Variants in XIRP2 observed in about 807,000 individuals in gnomAD.
XIRP2 encodes the protein xin actin-binding repeat-containing protein 2.
A neutral mutation model predicts 277.0 loss-of-function variants in XIRP2; 236 were observed. That is an observed-to-expected ratio of 0.85 (90% CI 0.77 to 0.95). The LOEUF is 0.95. XIRP2 is among the 40% of genes least tolerant of loss of function. The probability of loss-of-function intolerance (pLI) is 0.00; values close to 1 mark genes in which losing one functional copy is unlikely to be tolerated. For synonymous variants in XIRP2, 1,490 were observed against 1,416.5 expected (o/e 1.05, Z -1.17); for missense variants, 4,640 against 4,157.5 (o/e 1.12, Z -3.19).
intron 4 of XIRP2, among the ~76,000 whole-genome samples, chr2:167,217,895 A>C (rs1694304095): frequency 6.6e-6 from 1 of 152,190 alleles, no homozygotes; most frequent in African/African-American, 2.4e-5. Context: ...TCTTATCTGC[A>C]GACATCAAAA....
intron 2 of XIRP2, among the ~76,000 whole-genome samples, chr2:167,065,126 A>G (rs1689269978): frequency 6.6e-6 from 1 of 151,964 alleles, no homozygotes; most frequent in African/African-American, 2.4e-5. Context: ...CCAACACTGC[A>G]CAAAAGTTCC....
chr2:166,986,113 G>A (rs547544697), intron 2 of XIRP2, among the ~76,000 whole-genome samples: 2 of 152,302 alleles, frequency 1.3e-5, no homozygotes, highest in South Asian at 4.1e-4. Flanking sequence ...TGACAGAGGA[G>A]GTTTGGAAAT....
chr2:167,024,458 C>A (rs1252749575), intron 2 of XIRP2, among the ~76,000 whole-genome samples: 1 of 152,200 alleles, frequency 6.6e-6, no homozygotes, highest in Non-Finnish European at 1.5e-5. Context: ...CTTCTCCTGC[C>A]TAACTGCCCT....
chr2:167,251,833 C>G lies in XIRP2; in HGVS notation c.10441C>G (p.Gln3481Glu). The change falls in exon 9 of 11, where the codon CAA (glutamine) becomes GAA (glutamate). Residue 3481 changes from glutamine to glutamate, a missense_variant. Transcript: ENST00000409195. ...DSPKEVRKNF[Q>E]KTWQESGRVF... ...ACCTAAAGAAGTAAGAAAAAATTTT[C>G]AAAAGACGTGGCAAGAGAGTGGAAG... 6.2e-7 allele frequency: 1 copy of G among 1,613,268 alleles called. No individual in the cohort carries two copies. Among genetic ancestry groups the G allele is most frequent in the Non-Finnish European group, 8.5e-7 (1 of 1,179,540 alleles).
chr2:167,061,644 A>T (rs1352907556), intron 2 of XIRP2, among the ~76,000 whole-genome samples: 1 of 152,128 alleles, frequency 6.6e-6, no homozygotes, highest in Non-Finnish European at 1.5e-5. Flanking sequence ...GGATTAGAGT[A>T]GACCTTATTA....
intron 2 of XIRP2, among the ~76,000 whole-genome samples, chr2:167,098,140 T>C (rs112529895): frequency 0.031 from 4,754 of 152,334 alleles, 85 homozygotes; most frequent in East Asian, 0.05. Context: ...TCCTGAAGTG[T>C]GTTTTCCAAC....
intron 2 of XIRP2, among the ~76,000 whole-genome samples, chr2:166,924,062 T>C (rs1489816255): frequency 6.6e-6 from 1 of 152,046 alleles, no homozygotes. Flanking sequence ...GGACACTAAT[T>C]AAGGAGTCTG....
At chr2:167,232,208 A>T (rs1441925820) in intron 5 of XIRP2, among the ~76,000 whole-genome samples, 2 of 151,996 alleles carry the variant, frequency 1.3e-5, no homozygotes, top group African/African-American at 4.8e-5. Context: ...TCGTGGAAAG[A>T]ATTGTGTAAT....
At chr2:167,038,631 AAC>A (rs1156884975) in intron 2 of XIRP2, among the ~76,000 whole-genome samples, 5 of 151,820 alleles carry the variant, frequency 3.3e-5, no homozygotes, top group Admixed American at 3.3e-4. Context: ...ACAAATAGTA[AAC>A]CTAAAATAAT....
At chr2:166,907,741 C>T (rs1037580229) in intron 2 of XIRP2, among the ~76,000 whole-genome samples, 3 of 150,868 alleles carry the variant, frequency 2.0e-5, no homozygotes, top group African/African-American at 4.9e-5. Flanking sequence ...TTAGGTATAT[C>T]TCCTAAGGCT....
At chr2:167,160,539 A>G (rs1468117170) in intron 3 of XIRP2, among the ~76,000 whole-genome samples, 20 of 152,198 alleles carry the variant, frequency 1.3e-4, no homozygotes, top group Admixed American at 1.3e-3. Flanking sequence ...TCACACGGCA[A>G]CAGACAAGAG....
intron 2 of XIRP2, among the ~76,000 whole-genome samples, chr2:166,947,945 T>G (rs1278612450): frequency 6.6e-6 from 1 of 152,102 alleles, no homozygotes; most frequent in Non-Finnish European, 1.5e-5. Context: ...GCTATCAAAC[T>G]ATGAAAGACA....
At chr2:166,928,314 C>T (rs1195401620) in intron 2 of XIRP2, among the ~76,000 whole-genome samples, 1 of 152,080 alleles carries the variant, frequency 6.6e-6, no homozygotes, top group African/African-American at 2.4e-5. Context: ...GTGTTATAAG[C>T]CAGTGAGCAC....
rs374152844 is a variant in XIRP2, at chr2:167,244,548, G to A, written c.3156G>A (p.Val1052=). 3.1e-6 allele frequency: 5 copies of A among 1,612,800 alleles called. No individual in the cohort carries two copies. In the African/African-American group the frequency reaches 6.7e-5, roughly 22 times the overall value. Residue 1052 remains valine, a synonymous_variant, in exon 9 of 11, where the codon GTG becomes GTA. Coordinates refer to ENST00000409195, the MANE Select transcript of XIRP2 (RefSeq NM_152381.6). ...CTCAAGAAATACAGACTGGAAATGT[G>A]AAATCTGCCAAATGGTTGTTTGAAA... The part of the protein sequence containing the change: ...ISAQEIQTGN[V]KSAKWLFETQ...
intron 4 of XIRP2, among the ~76,000 whole-genome samples, chr2:167,212,910 T>A (rs73970899): frequency 0.4 from 16,859 of 42,328 alleles, 1,538 homozygotes; most frequent in African/African-American, 0.52. Context: ...CCCCCACCCC[T>A]CTGCACACAC....
chr2:166,946,567 T>C (rs10176157), intron 2 of XIRP2, among the ~76,000 whole-genome samples: 2,666 of 152,234 alleles, frequency 0.018, 78 homozygotes, highest in African/African-American at 0.06. Flanking sequence ...AAAAGTGACA[T>C]GGTGTATGCA....
intron 2 of XIRP2, among the ~76,000 whole-genome samples, chr2:167,036,665 T>C (rs1302815559): frequency 6.6e-6 from 1 of 151,204 alleles, no homozygotes; most frequent in African/African-American, 2.4e-5. Context: ...TTCGGGGGAG[T>C]GTTGGGAAAG....
chr2:167,028,471 A>G (rs190920004), intron 2 of XIRP2, among the ~76,000 whole-genome samples: 1 of 152,190 alleles, frequency 6.6e-6, no homozygotes, highest in East Asian at 1.9e-4. Flanking sequence ...CAATATCTCT[A>G]TGATTCTGTA....
At chr2:167,023,031 C>T (rs1260206231) in intron 2 of XIRP2, among the ~76,000 whole-genome samples, 4 of 152,152 alleles carry the variant, frequency 2.6e-5, no homozygotes, top group South Asian at 2.1e-4. Flanking sequence ...AATCGCCACA[C>T]GGACTTCCAC....
Sources: allele counts gnomAD v4.1 joint callset (sites outside exome capture counted in the v4.1 genomes callset), GRCh38; gene constraint gnomAD v4.1.1; transcripts MANE v1.5; gene names NCBI Gene and HGNC (gene_info 2026-07-23, HGNC 2026-07-21).